Variants in TUBA3E observed in about 807,000 individuals in gnomAD.
The protein encoded by TUBA3E is tubulin alpha-3E chain.
A neutral mutation model predicts 36.7 loss-of-function variants in TUBA3E; 21 were observed. The observed-to-expected ratio is 0.57, with a 90% CI of 0.41 to 0.83. TUBA3E has a LOEUF of 0.83. TUBA3E is among the 40% of genes least tolerant of loss of function. The probability of loss-of-function intolerance (pLI) is 0.00; values close to 1 mark genes in which losing one functional copy is unlikely to be tolerated. For synonymous variants in TUBA3E, 177 were observed against 241.9 expected (o/e 0.73, Z 2.49); for missense variants, 469 against 604.2 (o/e 0.78, Z 2.35).
At position 130,196,242 on chromosome 2, in the gene TUBA3E, C is replaced by T. The variant is rs769259320; in HGVS notation, c.133G>A (p.Gly45Arg). The change falls in exon 2 of 5, where the codon GGG (glycine) becomes AGG (arginine). Residue 45 changes from glycine (G) to arginine (R), a missense_variant. Around this residue, in one of 3 missense-constraint regions of TUBA3E, gnomAD observed 169 missense variants for 239.0 expected, o/e 0.71. Transcript: ENST00000312988. ...QMPSDKTIGGGDDSFNTFFSE... is the reference protein window; with the variant it reads ...QMPSDKTIGGRDDSFNTFFSE... ...AAGAACGTGTTGAAGGAGTCGTCCCCGCCACCAATGGTTTTATCACTTGGC... is the reference window on the plus strand; with the variant it reads ...AAGAACGTGTTGAAGGAGTCGTCCCTGCCACCAATGGTTTTATCACTTGGC... 35 of 1,613,882 alleles carry T rather than the reference C, an allele frequency of 2.2e-5. No homozygotes were observed. Among genetic ancestry groups the T allele is most frequent in the African/African-American group, 1.2e-4 (9 of 74,918 alleles).
intron 2 of TUBA3E, among the ~76,000 whole-genome samples, chr2:130,195,865 G>A (rs900493232): frequency 6.6e-6 from 1 of 152,232 alleles, no homozygotes; most frequent in Non-Finnish European, 1.5e-5. Context: ...CTGCAGGCAG[G>A]GCCACCTGAG....
chr2:130,193,885 G>C lies in TUBA3E; in HGVS notation c.957C>G (p.Tyr319Ter). 1 of 1,614,206 alleles carries C rather than the reference G, an allele frequency of 6.2e-7. No individual in the cohort carries two copies. Among genetic ancestry groups the C allele is most frequent in the Non-Finnish European group, 8.5e-7 (1 of 1,180,040 alleles). Residue 319 changes from tyrosine (Y) to a stop codon, truncating the protein, a stop_gained, in exon 4 of 5, where the codon TAC (tyrosine) becomes TAG (stop). Coordinates refer to ENST00000312988, the MANE Select transcript of TUBA3E (RefSeq NM_207312.3). LOFTEE classifies it high-confidence loss of function. ...CGTCTTTGGGGACCACGTCCCCCCT[G>C]TACAACATGCAGCAGGCCATGTACT... ...HGKYMACCML[Y>*]RGDVVPKDVN...
rs1227827834 is a variant in TUBA3E, at chr2:130,195,360, T to C, written c.227-133A>G. 6 of 1,327,820 alleles carry C rather than the reference T, an allele frequency of 4.5e-6. No homozygotes were observed. In the East Asian group the frequency reaches 1.2e-4, roughly 26 times the overall value. The allele number at this position is 1,327,820 out of a possible 1,614,324, so 82.3% of individuals were successfully genotyped here. A position where few individuals can be genotyped will look rare whatever the true frequency, so the allele number is the denominator to read the frequency against. On this transcript the variant is annotated intron_variant, in intron 2 of 4. Transcript: ENST00000312988. ...TGACCTACATGTCATAGGTCAACAG[T>C]GGCAGTGTCTGGTAGAAAATGTCTC... is the stretch of plus-strand genomic sequence containing the variant.
intron 3 of TUBA3E, among the ~76,000 whole-genome samples, chr2:130,194,700 C>T (rs571836018): frequency 4.6e-5 from 7 of 152,200 alleles, no homozygotes; most frequent in African/African-American, 1.4e-4. Context: ...TTGTTTGAGA[C>T]GGAATCTTGC....
At position 130,194,383 on chromosome 2, in the gene TUBA3E, G is replaced by C. The variant is rs1690352944; in HGVS notation, c.459C>G (p.Leu153=). 1.9e-6 allele frequency: 3 copies of C among 1,613,188 alleles called. No homozygotes were observed. The highest frequency in any genetic ancestry group is 8.5e-7 in the Non-Finnish European group (1 of 1,179,820). ...TGTAATCCACTGAGAGCCGCTCCAT[G>C]AGCAGAGATGCGAACCCAGAGCCAG... is the stretch of plus-strand genomic sequence containing the variant. ...GGTGSGFASL[L]MERLSVDYSK... Residue 153 remains leucine (L), a synonymous_variant, in exon 4 of 5, where the codon CTC becomes CTG. Coordinates refer to ENST00000312988, the MANE Select transcript of TUBA3E (RefSeq NM_207312.3).
chr2:130,193,236 C>T lies in TUBA3E; in HGVS notation c.1056+550G>A, dbSNP rs147134834. 5.2e-3 allele frequency among the ~76,000 whole-genome samples: 784 copies of T among 151,720 alleles called. 7 individuals are homozygous for T. Among genetic ancestry groups the T allele is most frequent in the Middle Eastern group, 0.034 (10 of 292 alleles). On this transcript the variant is annotated intron_variant, in intron 4 of 4. Transcript: ENST00000312988. ...CACTACTACAGCCTGAGAGACAAAG[C>T]GAGACCCTGTCTCAAAAAATAAATA...
At chr2:130,197,591 T>C (rs541377229) in intron 1 of TUBA3E, among the ~76,000 whole-genome samples, 4 of 126,844 alleles carry the variant, frequency 3.2e-5, no homozygotes, top group African/African-American at 1.1e-4. Context: ...CTTGGGAATC[T>C]GTTATGTTAA....
rs1439818699 is a variant in TUBA3E, at chr2:130,195,135, G to T, written c.319C>A (p.His107Asn). 4.3e-6 allele frequency: 7 copies of T among 1,613,516 alleles called. No individual in the cohort carries two copies. Among genetic ancestry groups the T allele is most frequent in the Non-Finnish European group, 5.9e-6 (7 of 1,179,738 alleles). ...EDAASNYARG[H>N]YTIGKEIVDL... ...ACAATCTCCTTGCCGATGGTGTAATGGCCCCTGGCGTAATTACTGGCTGCA... is the reference window on the plus strand; with the variant it reads ...ACAATCTCCTTGCCGATGGTGTAATTGCCCCTGGCGTAATTACTGGCTGCA... The change falls in exon 3 of 5, where the codon CAT (histidine) becomes AAT (asparagine). Residue 107 changes from histidine to asparagine, a missense_variant. By Grantham distance (68) the His-to-Asn change is moderately conservative (BLOSUM62 1). Coordinates refer to ENST00000312988, the MANE Select transcript of TUBA3E (RefSeq NM_207312.3).
Position 130,194,111 on chromosome 2 carries a change from A to G in TUBA3E, c.731T>C (p.Phe244Ser), listed in dbSNP as rs1341594624. 6.2e-7 allele frequency: 1 copy of G among 1,614,074 alleles called. No homozygotes were observed. Among genetic ancestry groups the G allele is most frequent in the African/African-American group, 1.3e-5 (1 of 74,940 alleles). Residue 244 changes from phenylalanine (F) to serine (S), a missense_variant, in exon 4 of 5, where the codon TTT (phenylalanine) becomes TCT (serine). Physicochemically the swap from Phe to Ser is radical, Grantham distance 155. Around this residue, in one of 3 missense-constraint regions of TUBA3E, gnomAD observed 296 missense variants for 346.9 expected, o/e 0.85. Transcript: ENST00000312988. ...IVSSITASLR[F>S]DGALNVDLTE... Reference sequence around the variant, plus strand: ...CAAGTCCACATTCAGGGCCCCATCAAATCGCAGGGAGGCCGTGATGGAGGA... The same window carrying G: ...CAAGTCCACATTCAGGGCCCCATCAGATCGCAGGGAGGCCGTGATGGAGGA...
At chr2:130,194,785 C>A (rs1573771086) in intron 3 of TUBA3E, among the ~76,000 whole-genome samples, 1 of 152,156 alleles carries the variant, frequency 6.6e-6, no homozygotes, top group Non-Finnish European at 1.5e-5. Flanking sequence ...TCAAGCAATT[C>A]TTCTGCCTCA....
Position 130,193,832 on chromosome 2 carries a change from G to A in TUBA3E, c.1010C>T (p.Thr337Ile), listed in dbSNP as rs1690330538. The change falls in exon 4 of 5, where the codon ACC becomes ATC. Residue 337 changes from threonine to isoleucine, a missense_variant. Physicochemically the swap from Thr to Ile is moderately conservative, Grantham distance 89. Transcript: ENST00000312988. ...DVNAAIATIK[T>I]KRTIQFVDWC... ...ATCCACAAACTGGATAGTGCGCTTGGTCTTGATGGTGGCGATGGCCGCATT... is the reference window on the plus strand; with the variant it reads ...ATCCACAAACTGGATAGTGCGCTTGATCTTGATGGTGGCGATGGCCGCATT... 1.2e-6 allele frequency: 2 copies of A among 1,613,856 alleles called. No individual in the cohort carries two copies. The highest frequency in any genetic ancestry group is 1.7e-6 in the Non-Finnish European group (2 of 1,179,920).
chr2:130,195,344 T>C, intron 2 of TUBA3E, 117 bp from the exon 3 acceptor site: 1 of 1,418,740 alleles, frequency 7.0e-7, no homozygotes, highest in Non-Finnish European at 9.5e-7. Flanking sequence ...ATGACCTACA[T>C]GTCATAGGTC....
chr2:130,195,186 C>G lies in TUBA3E; in HGVS notation c.268G>C (p.Glu90Gln). ...TCTTCCTTCCCGGTGATCAGCTGCTCTGGGTGGAAGAGCTGCCTGTAGGTC... is the reference window on the plus strand; with the variant it reads ...TCTTCCTTCCCGGTGATCAGCTGCTGTGGGTGGAAGAGCTGCCTGTAGGTC... ...TGTYRQLFHPEQLITGKEDAA... is the reference protein window; with the variant it reads ...TGTYRQLFHPQQLITGKEDAA... Residue 90 changes from glutamate to glutamine, a missense_variant, in exon 3 of 5, where the codon GAG becomes CAG. This residue lies in a region of TUBA3E where 169 missense variants were observed against 239.0 expected (regional missense o/e 0.71). Transcript: ENST00000312988. The G allele has an allele frequency of 6.2e-7, 1 of 1,614,074 alleles. No homozygotes were observed. The highest frequency in any genetic ancestry group is 8.5e-7 in the Non-Finnish European group (1 of 1,180,022).
rs773095696 is a variant in TUBA3E at position 130,194,286 on chromosome 2, T to C, written c.556A>G (p.Asn186Asp). ...QVSTAVVEPY[N>D]SILTTHTTLE... ...GTCGTGTGGGTGGTTAGGATGGAGTTGTAGGGCTCCACCACGGCTGTGGAG... is the reference window on the plus strand; with the variant it reads ...GTCGTGTGGGTGGTTAGGATGGAGTCGTAGGGCTCCACCACGGCTGTGGAG... The change falls in exon 4 of 5, where the codon AAC becomes GAC. Residue 186 changes from asparagine (N) to aspartate (D), a missense_variant. Asn to Asp is a conservative substitution (Grantham distance 23). Coordinates refer to ENST00000312988, the MANE Select transcript of TUBA3E (RefSeq NM_207312.3). 4 of 1,599,960 alleles carry C rather than the reference T, an allele frequency of 2.5e-6. No individual in the cohort carries two copies. Among genetic ancestry groups the C allele is most frequent in the Non-Finnish European group, 3.4e-6 (4 of 1,171,638 alleles).
chr2:130,194,352 T>C lies in TUBA3E; in HGVS notation c.490A>G (p.Lys164Glu). Residue 164 changes from lysine (K) to glutamate (E), a missense_variant, in exon 4 of 5, where the codon AAG (lysine) becomes GAG (glutamate). Lys to Glu is a moderately conservative substitution (Grantham distance 56, BLOSUM62 1). Around this residue, in one of 3 missense-constraint regions of TUBA3E, gnomAD observed 169 missense variants for 239.0 expected, o/e 0.71. Transcript: ENST00000312988. ...TAAATGGCAAACTCTAGCTTGGACT[T>C]CTTGCTGTAATCCACTGAGAGCCGC... is the stretch of plus-strand genomic sequence containing the variant. ...MERLSVDYSK[K>E]SKLEFAIYPA... is the part of the protein sequence containing the mutation. 1 of 1,613,302 alleles carries C rather than the reference T, an allele frequency of 6.2e-7. No individual in the cohort carries two copies. The highest frequency in any genetic ancestry group is 1.1e-5 in the South Asian group (1 of 90,994).
At position 130,197,366 on chromosome 2, in the gene TUBA3E, A is replaced by G. The variant is rs1158390603; in HGVS notation, c.3+992T>C. 2.4e-5 allele frequency among the ~76,000 whole-genome samples: 3 copies of G among 124,792 alleles called. 1 individual carries two copies. In the Admixed American group the frequency reaches 2.7e-4, roughly 11 times the overall value. 81.9% of individuals were successfully genotyped at this position (124,792 alleles called of 152,430 possible). A position where few individuals can be genotyped will look rare whatever the true frequency, so the allele number is the denominator to read the frequency against. Reference sequence around the variant, plus strand: ...GCCAGGTGTGGTGGCACACACCTGTAGTACCAGCTACTCGGAAGGCTGAGG... The same window carrying G: ...GCCAGGTGTGGTGGCACACACCTGTGGTACCAGCTACTCGGAAGGCTGAGG... On this transcript the variant is annotated intron_variant, in intron 1 of 4. Transcript: ENST00000312988.
At chr2:130,195,473 A>C (rs75561202) in intron 2 of TUBA3E, among the ~76,000 whole-genome samples, 2 of 152,354 alleles carry the variant, frequency 1.3e-5, no homozygotes, top group Middle Eastern at 6.8e-3. Context: ...ACCAGTTCCC[A>C]GTGAAAGGAA....
intron 4 of TUBA3E, among the ~76,000 whole-genome samples, chr2:130,192,443 T>G (rs2104747132): frequency 6.6e-6 from 1 of 152,278 alleles, no homozygotes; most frequent in Admixed American, 6.5e-5. Flanking sequence ...CTTGTCTTCT[T>G]TGTAGATTAC....
chr2:130,197,620 TG>T (rs1690444384), intron 1 of TUBA3E, among the ~76,000 whole-genome samples: 1 of 128,058 alleles, frequency 7.8e-6, no homozygotes. Flanking sequence ...TTTTTTTGTT[TG>T]GTTTTTTGAG....
Sources: gnomAD v4.1 joint callset for allele counts (sites outside exome capture counted in the v4.1 genomes callset) on GRCh38, gnomAD v4.1.1 for gene constraint, gnomAD v4.1.1 regional missense constraint, MANE v1.5 for transcripts, NCBI Gene and HGNC (gene_info 2026-07-23, HGNC 2026-07-21) for gene names.